Variants in USP6 observed in about 807,000 individuals in gnomAD.
USP6 encodes the protein ubiquitin carboxyl-terminal hydrolase 6.
In USP6, 128 loss-of-function variants were observed where a neutral mutation model predicts 175.7. The observed-to-expected ratio is 0.73, with a 90% CI of 0.63 to 0.84. The LOEUF (loss-of-function observed/expected upper bound fraction) is 0.84, where lower values mean the gene tolerates loss of function less well. USP6 is among the 40% of genes least tolerant of loss of function. The probability of loss-of-function intolerance (pLI) is 0.00; values close to 1 mark genes in which losing one functional copy is unlikely to be tolerated. For missense variants in USP6, 1,498 were observed against 1,760.3 expected (o/e 0.85, Z 2.67); for synonymous variants, 562 against 630.6 (o/e 0.89, Z 1.63).
chr17:5,142,563 C>T, intron 25 of USP6, 61 bp downstream of exon 25: 1 of 1,532,234 alleles, frequency 6.5e-7, no homozygotes, highest in Non-Finnish European at 8.8e-7. Context: ...AATCATTTTT[C>T]TCTACTTGTT....
At chr17:5,149,353 A>G (rs2073699774) in intron 30 of USP6, among the ~76,000 whole-genome samples, 1 of 152,216 alleles carries the variant, frequency 6.6e-6, no homozygotes, top group South Asian at 2.1e-4. Context: ...CAGTGAGCGA[A>G]GATTGTGCCA....
intron 34 of USP6, 135 bp downstream of exon 34, chr17:5,168,258 G>C (rs1487431741): frequency 6.3e-6 from 7 of 1,109,544 alleles, no homozygotes; most frequent in Admixed American, 5.6e-5. Flanking sequence ...TCTGTACAAG[G>C]TTTTTATGTT....
chr17:5,135,475 C>T (rs1173710432), intron 16 of USP6, among the ~76,000 whole-genome samples, 193 bp downstream of exon 16: 2 of 152,146 alleles, frequency 1.3e-5, no homozygotes, highest in Admixed American at 6.5e-5. Flanking sequence ...AGCTGAGACA[C>T]AAAGGACTTG....
chr17:5,161,643 A>T, intron 32 of USP6, 29 bp downstream of exon 32: 9 of 1,608,406 alleles, frequency 5.6e-6, no homozygotes, highest in Non-Finnish European at 7.7e-6. Flanking sequence ...GAATTACTTT[A>T]GTAGAATTTC....
intron 37 of USP6, among the ~76,000 whole-genome samples, chr17:5,172,129 TG>T (rs2074233458): frequency 6.8e-6 from 1 of 147,608 alleles, no homozygotes; most frequent in Non-Finnish European, 1.5e-5. Context: ...GAGCCAAGAC[TG>T]CACCACTGCA....
Position 5,144,701 on chromosome 17 carries a change from A to C in USP6, c.1830A>C (p.Ala610=). ...TCTTATATTTATAGCGGACCATAGC[A>C]AAATATGCTCCCAAGTTTGATGGGT... ...VAPLKLRRTI[A]KYAPKFDGFQ... The change falls in exon 26 of 38, where the codon GCA becomes GCC. Residue 610 remains alanine, a synonymous_variant. Transcript: ENST00000574788. 6.2e-7 allele frequency: 1 copy of C among 1,613,654 alleles called. No individual in the cohort carries two copies. The highest frequency in any genetic ancestry group is 1.7e-5 in the Admixed American group (1 of 59,916).
chr17:5,155,426 G>T lies in USP6; in HGVS notation c.2648G>T (p.Arg883Met), dbSNP rs778077298. The change falls in exon 31 of 38, where the codon AGG becomes ATG. Residue 883 changes from arginine (R) to methionine (M), a missense_variant. Coordinates refer to ENST00000574788, the MANE Select transcript of USP6 (RefSeq NM_001304284.2). ...YIIAVHRKMM[R>M]TELYFLSPQE... is the part of the protein sequence containing the mutation. ...TATTCTCGTTTGTACATACAGATGA[G>T]GACAGAACTGTATTTCCTGTCACCT... 13 of 1,613,816 alleles carry T rather than the reference G, an allele frequency of 8.1e-6. 1 individual carries two copies. In the Admixed American group the frequency reaches 2.2e-4, roughly 27 times the overall value.
chr17:5,165,410 G>A (rs1338363530), intron 33 of USP6, among the ~76,000 whole-genome samples: 2 of 152,024 alleles, frequency 1.3e-5, no homozygotes, highest in African/African-American at 4.8e-5. Flanking sequence ...ATGTCACCCT[G>A]TCTTTACAAA....
chr17:5,152,509 A>C (rs76396561), intron 30 of USP6, among the ~76,000 whole-genome samples: 19,234 of 152,208 alleles, frequency 0.13, 1,384 homozygotes, highest in African/African-American at 0.17. Context: ...GATGCACAAG[A>C]ATATTCATAG....
chr17:5,172,785 G>A lies in USP6; in HGVS notation c.4048-20G>A, dbSNP rs779946046. ...ATAATAGTGATGGCTTTTTGTTAAA[G>A]GTTTTTCTTGCCCTTTCAGGAACTT... On this transcript the variant is annotated intron_variant, in intron 37 of 37. Transcript: ENST00000574788. 9.9e-6 allele frequency: 16 copies of A among 1,611,786 alleles called. No individual in the cohort carries two copies. The East Asian group carries it at 3.6e-4, about 36-fold the overall frequency.
chr17:5,163,834 T>A (rs1046169519), intron 33 of USP6, among the ~76,000 whole-genome samples: 2 of 152,178 alleles, frequency 1.3e-5, no homozygotes, highest in African/African-American at 4.8e-5. Flanking sequence ...AGAGAAAGGA[T>A]TGAAATGTTT....
chr17:5,161,586 A>C lies in USP6; in HGVS notation c.2887A>C (p.Asn963His), dbSNP rs373297405. The C allele has an allele frequency of 2.7e-5, 44 of 1,613,922 alleles. No individual in the cohort carries two copies. The highest frequency in any genetic ancestry group is 4.2e-6 in the Non-Finnish European group (5 of 1,179,906). ...TCTACGAGTTGTGCAGAAAGATGGG[A>C]ACTCCTGTGCTTGGTGCCCACAGTA... is the stretch of plus-strand genomic sequence containing the variant. Reference protein sequence around the residue: ...FTLRVVQKDGNSCAWCPQYRF... With the variant: ...FTLRVVQKDGHSCAWCPQYRF... Residue 963 changes from asparagine (N) to histidine (H), a missense_variant, in exon 32 of 38, where the codon AAC (asparagine) becomes CAC (histidine). Physicochemically the swap from Asn to His is moderately conservative, Grantham distance 68. This residue lies in a region of USP6 where 1,217 missense variants were observed against 1,500.8 expected (regional missense o/e 0.81). Transcript: ENST00000574788.
Position 5,146,167 on chromosome 17 carries a change from A to G in USP6, c.2312A>G (p.Asn771Ser), listed in dbSNP as rs771428148. The G allele has an allele frequency of 1.1e-5, 17 of 1,608,296 alleles. No individual in the cohort carries two copies. In the South Asian group the frequency reaches 1.6e-4, roughly 15 times the overall value. Residue 771 changes from asparagine to serine, a missense_variant, in exon 28 of 38, where the codon AAC (asparagine) becomes AGC (serine). Physicochemically the swap from Asn to Ser is conservative, Grantham distance 46 (BLOSUM62 1). This residue lies in a region of USP6 where 1,217 missense variants were observed against 1,500.8 expected (regional missense o/e 0.81). Transcript: ENST00000574788. ...QILLAEVHDS[N>S]IKNFPQDNQK... is the part of the protein sequence containing the mutation. ...CTACTAGCAGAAGTACATGATTCCAACATAAAGGTAATGTTAACTACTCTA... is the reference window on the plus strand; with the variant it reads ...CTACTAGCAGAAGTACATGATTCCAGCATAAAGGTAATGTTAACTACTCTA...
intron 25 of USP6, among the ~76,000 whole-genome samples, chr17:5,143,065 C>A (rs1270663230): frequency 2.0e-5 from 3 of 152,200 alleles, no homozygotes; most frequent in Admixed American, 6.5e-5. Context: ...GCCAGCCGCC[C>A]CATCCGGGAG....
chr17:5,138,369 C>T lies in USP6; in HGVS notation c.1078+96C>T, dbSNP rs895387544. On this transcript the variant is annotated intron_variant, in intron 21 of 37. Transcript: ENST00000574788. ...CCAGCAACCCTACTACCTGGGCCTT[C>T]CTCTTCACCTTTTCTTCCTCCTCTT... The T allele has an allele frequency of 1.3e-5, 21 of 1,582,268 alleles. No individual in the cohort carries two copies. The Admixed American group carries it at 3.1e-4, about 23-fold the overall frequency.
rs564421884 is a variant in USP6 at position 5,118,182 on chromosome 17, T to G, written c.-1927-18T>G. On this transcript the variant is annotated intron_variant, in intron 1 of 37. Coordinates refer to ENST00000574788, the MANE Select transcript of USP6 (RefSeq NM_001304284.2). Reference sequence around the variant, plus strand: ...CCCTCAGGGATGGTAGTGACAGTCTTATTTCCTATTGATACAGGATTTTTT... The same window carrying G: ...CCCTCAGGGATGGTAGTGACAGTCTGATTTCCTATTGATACAGGATTTTTT... 1 of 152,526 alleles carries G rather than the reference T, an allele frequency of 6.6e-6. No individual in the cohort carries two copies. Among genetic ancestry groups the G allele is most frequent in the South Asian group, 2.1e-4 (1 of 4,826 alleles). 9.4% of individuals were successfully genotyped at this position (152,526 alleles called of 1,614,324 possible).
chr17:5,119,434 C>T lies in USP6; in HGVS notation c.-1837+1144C>T, dbSNP rs183887725. ...ATTATCTGAAAATTAACTCTTTTGT[C>T]CTTCTTCAGCCCCCACTAAAGTGAG... is the stretch of plus-strand genomic sequence containing the variant. On this transcript the variant is annotated intron_variant, in intron 2 of 37. Coordinates refer to ENST00000574788, the MANE Select transcript of USP6 (RefSeq NM_001304284.2). Among the ~76,000 whole-genome samples the T allele has an allele frequency of 2.0e-5, 3 of 152,298 alleles. No individual in the cohort carries two copies. The East Asian group carries it at 5.8e-4, about 29-fold the overall frequency.
At chr17:5,152,670 C>T (rs765352953) in intron 30 of USP6, among the ~76,000 whole-genome samples, 5 of 152,042 alleles carry the variant, frequency 3.3e-5, no homozygotes, top group Non-Finnish European at 7.4e-5. Context: ...AAATGAATCT[C>T]GTAAACCTAA....
At chr17:5,155,672 C>A (rs531718304) in intron 31 of USP6, 66 bp downstream of exon 31, 11 of 1,504,160 alleles carry the variant, frequency 7.3e-6, no homozygotes, top group Non-Finnish European at 9.8e-6. Context: ...TATATGAATT[C>A]TACATGACAG....
Sources: gnomAD v4.1 joint callset for allele counts (sites outside exome capture counted in the v4.1 genomes callset) on GRCh38, gnomAD v4.1.1 for gene constraint, gnomAD v4.1.1 regional missense constraint, MANE v1.5 for transcripts, NCBI Gene and HGNC (gene_info 2026-07-23, HGNC 2026-07-21) for gene names.